HEPH: variants seen among roughly 807,000 people sequenced by gnomAD.
HEPH encodes hephaestin.
In HEPH, 69 loss-of-function variants were observed where a neutral mutation model predicts 80.8. The observed-to-expected ratio is 0.85, with a 90% CI of 0.70 to 1.04. The LOEUF is 1.04. HEPH is among the 50% of genes least tolerant of loss of function. HEPH has a pLI of 0.00. For missense variants in HEPH, 1,115 were observed against 891.3 expected, an observed-to-expected ratio of 1.25 and a Z score of -3.20; for synonymous variants, 431 against 322.8, an observed-to-expected ratio of 1.34 and a Z score of -3.60.
chrX:66,162,688 G>A (rs1034400322), upstream of HEPH: 49 of 1,143,869 alleles, frequency 4.3e-5, no homozygotes, highest in Middle Eastern at 2.4e-4. Flanking sequence ...ATGGGGCAGC[G>A]CCTAAGTGTC....
chrX:66,180,722 G>T (rs1233880853), intron 4 of HEPH, among the ~76,000 whole-genome samples: 1 of 64,418 alleles, frequency 1.6e-5, no homozygotes, highest in African/African-American at 6.3e-5. Context: ...TATACTCTAA[G>T]TTTTAGGGTA....
intron 15 of HEPH, among the ~76,000 whole-genome samples, chrX:66,232,719 T>C (rs1401445133): frequency 9.0e-6 from 1 of 111,155 alleles, no homozygotes; most frequent in Admixed American, 9.6e-5. Flanking sequence ...TGTACAATAT[T>C]TAATTTTAAA....
intron 15 of HEPH, among the ~76,000 whole-genome samples, chrX:66,234,421 A>T (rs1421378213): frequency 9.0e-6 from 1 of 111,365 alleles, no homozygotes; most frequent in Non-Finnish European, 1.9e-5. Context: ...ATATTATTTG[A>T]GTATATACCC....
intron 15 of HEPH, among the ~76,000 whole-genome samples, chrX:66,239,389 A>G (rs2090483751): frequency 9.0e-6 from 1 of 111,527 alleles, no homozygotes; most frequent in East Asian, 2.8e-4. Context: ...CCATTTGAAT[A>G]CTTTTTAGGA....
At chrX:66,250,264 GA>G (rs2090956843) in intron 15 of HEPH, among the ~76,000 whole-genome samples, 2 of 110,941 alleles carry the variant, frequency 1.8e-5, no homozygotes, top group Admixed American at 1.9e-4. Context: ...TTGTATGAGT[GA>G]AAAAAAATTG....
intron 4 of HEPH, among the ~76,000 whole-genome samples, chrX:66,186,185 A>G (rs113042105): frequency 0.24 from 21,565 of 91,169 alleles, 3,029 homozygotes; most frequent in African/African-American, 0.44. Context: ...CCAGAGGTGG[A>G]GCCTACAGAG....
Position 66,248,018 on chromosome X carries a change from C to A in HEPH, c.2564-7017C>A, listed in dbSNP as rs147731162. ...TATCCAGTTACAAATAATAAGGCAT[C>A]TTTTCTCTCATTAAATATTAATTCC... On this transcript the variant is annotated intron_variant, in intron 15 of 20. Coordinates refer to ENST00000343002, the MANE Select transcript of HEPH (RefSeq NM_001367233.3). 6.6e-4 allele frequency among the ~76,000 whole-genome samples: 73 copies of A among 111,434 alleles called. 2 individuals are homozygous for A. The East Asian group carries it at 0.018, about 27-fold the overall frequency.
chrX:66,163,345 G>C (rs2086247942), upstream of HEPH, among the ~76,000 whole-genome samples: 1 of 110,694 alleles, frequency 9.0e-6, no homozygotes, highest in Non-Finnish European at 1.9e-5. Flanking sequence ...GTTTTACCCT[G>C]AATTGTTGGG....
chrX:66,232,282 G>A (rs1209965263), intron 15 of HEPH, among the ~76,000 whole-genome samples: 1 of 111,048 alleles, frequency 9.0e-6, no homozygotes, highest in Non-Finnish European at 1.9e-5. Flanking sequence ...TCAGAATGAT[G>A]CTGGCCTCAT....
chrX:66,166,014 G>A (rs950775663), intron 1 of HEPH, among the ~76,000 whole-genome samples: 5 of 110,319 alleles, frequency 4.5e-5, no homozygotes, highest in African/African-American at 1.6e-4. Flanking sequence ...AACTAATGAG[G>A]GGCCCAAAGT....
intron 15 of HEPH, among the ~76,000 whole-genome samples, chrX:66,244,602 T>C (rs1466730523): frequency 1.8e-5 from 2 of 111,789 alleles, no homozygotes; most frequent in East Asian, 5.6e-4. Context: ...TTCTACTTTC[T>C]CCTGAATGTT....
Position 66,208,164 on chromosome X carries a change from G to T in HEPH, c.2481G>T (p.Lys827Asn), listed in dbSNP as rs1312953026. 8.3e-7 allele frequency: 1 copy of T among 1,204,302 alleles called. No homozygotes were observed. The highest frequency in any genetic ancestry group is 1.1e-6 in the Non-Finnish European group (1 of 889,512). ...GTGATATCCTGACTGTGGTATTCAAGAATAATGCCAGCCGCCCCTACTCTG... is the reference window on the plus strand; with the variant it reads ...GTGATATCCTGACTGTGGTATTCAATAATAATGCCAGCCGCCCCTACTCTG... ...EVGDILTVVFKNNASRPYSVH... is the reference protein window; with the variant it reads ...EVGDILTVVFNNNASRPYSVH... The change falls in exon 15 of 21, where the codon AAG becomes AAT. Residue 827 changes from lysine to asparagine, a missense_variant. Coordinates refer to ENST00000343002, the MANE Select transcript of HEPH (RefSeq NM_001367233.3).
At position 66,189,669 on chromosome X, in the gene HEPH, G is replaced by T; in HGVS notation, c.809-15G>T. 8.3e-7 allele frequency: 1 copy of T among 1,200,617 alleles called. No homozygotes were observed. The highest frequency in any genetic ancestry group is 1.8e-5 in the South Asian group (1 of 55,766). On this transcript the variant is annotated splice_polypyrimidine_tract_variant and intron_variant, in intron 5 of 20. Transcript: ENST00000343002. ...TTTCCTAATCCTGATATTTTCTTTG[G>T]GTTTTCTTTTGCAGCAATCAATGGC...
intron 15 of HEPH, among the ~76,000 whole-genome samples, chrX:66,214,150 G>T (rs1477660458): frequency 9.0e-6 from 1 of 111,714 alleles, no homozygotes; most frequent in Non-Finnish European, 1.9e-5. Flanking sequence ...TCATCAGCAT[G>T]TAGATGATAT....
At chrX:66,260,890 C>T (rs906883081) in intron 19 of HEPH, among the ~76,000 whole-genome samples, 3 of 110,899 alleles carry the variant, frequency 2.7e-5, no homozygotes, top group African/African-American at 9.8e-5. Context: ...CATCAGCCTC[C>T]CAAGTAGCTG....
chrX:66,252,720 G>A (rs758134095), intron 15 of HEPH, among the ~76,000 whole-genome samples: 28 of 112,190 alleles, frequency 2.5e-4, no homozygotes, highest in Middle Eastern at 4.6e-3. Context: ...ACAAAGCATA[G>A]AATTCAAGAT....
chrX:66,264,866 TTA>T (rs1195753842), intron 20 of HEPH, among the ~76,000 whole-genome samples: 5 of 106,484 alleles, frequency 4.7e-5, no homozygotes, highest in African/African-American at 1.0e-4. Context: ...ATTTTAAATA[TTA>T]TATATATATT....
chrX:66,245,830 T>G (rs1461005112), intron 15 of HEPH, among the ~76,000 whole-genome samples: 2 of 112,210 alleles, frequency 1.8e-5, no homozygotes, highest in African/African-American at 6.5e-5. Flanking sequence ...AGAAACTCAC[T>G]CAAAACCGCT....
intron 15 of HEPH, among the ~76,000 whole-genome samples, chrX:66,208,698 G>A (rs1020627680): frequency 5.2e-5 from 4 of 77,032 alleles, no homozygotes; most frequent in African/African-American, 9.0e-5. Context: ...ACCTGAAATA[G>A]GAATATAGCC....
Sources: allele counts gnomAD v4.1 joint callset (sites outside exome capture counted in the v4.1 genomes callset), GRCh38; gene constraint gnomAD v4.1.1; transcripts MANE v1.5; gene names NCBI Gene and HGNC (gene_info 2026-07-23, HGNC 2026-07-21).